The following ZFHX3 variants were observed in gnomAD, a reference collection of about 807,000 sequenced individuals.
ZFHX3 encodes the protein zinc finger homeobox 3, also known as zinc finger homeobox protein 3.
ZFHX3 carries 42 observed loss-of-function variants against 279.1 expected under a neutral mutation model. The observed-to-expected ratio is 0.15, with a 90% CI of 0.12 to 0.19. The LOEUF is 0.19. Among genes scored for constraint, ZFHX3 ranks in the 10% least tolerant of loss-of-function variants. The pLI, the probability that ZFHX3 is intolerant of heterozygous loss-of-function variation, is 1.00. For synonymous variants in ZFHX3, 2,293 were observed against 1,957.8 expected, an observed-to-expected ratio of 1.17 and a Z score of -4.52; for missense variants, 4,981 against 4,754.0, an observed-to-expected ratio of 1.05 and a Z score of -1.40.
chr16:73,709,624 G>A (rs895542629), intron 1 of ZFHX3, among the ~76,000 whole-genome samples: 2 of 151,922 alleles, frequency 1.3e-5, no homozygotes, highest in Non-Finnish European at 2.9e-5. Context: ...TGGGGGTTGG[G>A]GGTGAGGGTT....
chr16:72,808,796 T>A (rs2036349803), intron 7 of ZFHX3, among the ~76,000 whole-genome samples: 2 of 152,236 alleles, frequency 1.3e-5, no homozygotes, highest in South Asian at 4.1e-4. Flanking sequence ...CATGGACATA[T>A]CCTTATGCTC....
intron 3 of ZFHX3, among the ~76,000 whole-genome samples, chr16:73,343,541 A>G (rs1023200731): frequency 6.6e-6 from 1 of 152,206 alleles, no homozygotes; most frequent in African/African-American, 2.4e-5. Context: ...TCTGGGCAAC[A>G]TGGCAAGACC....
intron 5 of ZFHX3, among the ~76,000 whole-genome samples, chr16:73,154,873 TAAAG>T (rs1741808896): frequency 6.6e-6 from 1 of 151,986 alleles, no homozygotes; most frequent in Non-Finnish European, 1.5e-5. Flanking sequence ...AGCATAAAGA[TAAAG>T]AAAGATATTT....
intron 3 of ZFHX3, among the ~76,000 whole-genome samples, chr16:73,437,361 A>C (rs2018015387): frequency 6.6e-6 from 1 of 152,164 alleles, no homozygotes; most frequent in South Asian, 2.1e-4. Context: ...GTATTATACC[A>C]ATTAACTAAT....
chr16:72,956,864 C>T (rs1961275228), intron 2 of ZFHX3, among the ~76,000 whole-genome samples: 1 of 151,136 alleles, frequency 6.6e-6, no homozygotes, highest in South Asian at 2.1e-4. Context: ...TTGAGGTCCT[C>T]ATAAATATAC....
chr16:73,876,606 G>T (rs2029954771), intron 1 of ZFHX3, among the ~76,000 whole-genome samples: 1 of 152,140 alleles, frequency 6.6e-6, no homozygotes, highest in South Asian at 2.1e-4. Flanking sequence ...GAAACCAAAA[G>T]GGAGAAAATA....
At chr16:73,013,475 A>T (rs1051227942) in intron 1 of ZFHX3, among the ~76,000 whole-genome samples, 2 of 151,982 alleles carry the variant, frequency 1.3e-5, no homozygotes, top group African/African-American at 4.8e-5. Flanking sequence ...TTTTGTGGAG[A>T]CAGGGTTTTG....
intron 7 of ZFHX3, among the ~76,000 whole-genome samples, chr16:73,125,817 C>CAT (rs1192045647): frequency 6.6e-6 from 1 of 151,376 alleles, no homozygotes; most frequent in African/African-American, 2.4e-5. Flanking sequence ...TATATATATG[C>CAT]ATATATATAC....
intron 1 of ZFHX3, among the ~76,000 whole-genome samples, chr16:73,702,659 G>C (rs981477744): frequency 3.3e-5 from 5 of 152,124 alleles, no homozygotes; most frequent in Admixed American, 1.3e-4. Flanking sequence ...GTTATATGTG[G>C]CCTGAAAAGA....
intron 2 of ZFHX3, among the ~76,000 whole-genome samples, chr16:73,660,070 G>A (rs572569069): frequency 5.3e-5 from 8 of 152,154 alleles, no homozygotes; most frequent in African/African-American, 7.2e-5. Context: ...AGCCCTCTGC[G>A]TTGGCATATA....
At chr16:73,613,449 TG>T in intron 2 of ZFHX3, among the ~76,000 whole-genome samples, 1 of 146,542 alleles carries the variant, frequency 6.8e-6, no homozygotes, top group African/African-American at 2.8e-5. Context: ...TTTTTTTGTT[TG>T]TTTGTTTTTT....
intron 2 of ZFHX3, 34 bp from the exon 3 acceptor site, chr16:72,950,999 C>T: frequency 1.3e-6 from 2 of 1,592,494 alleles, no homozygotes; most frequent in Non-Finnish European, 1.7e-6. Context: ...GAGTCAGACA[C>T]CAGGCTCATG....
At chr16:73,373,634 G>T (rs368921283) in intron 3 of ZFHX3, among the ~76,000 whole-genome samples, 1 of 152,200 alleles carries the variant, frequency 6.6e-6, no homozygotes, top group African/African-American at 2.4e-5. Flanking sequence ...CTAAGGACAG[G>T]TGCATGAGAT....
chr16:73,304,719 T>C (rs1001263274), intron 4 of ZFHX3, among the ~76,000 whole-genome samples: 2 of 152,120 alleles, frequency 1.3e-5, no homozygotes, highest in Non-Finnish European at 2.9e-5. Context: ...CAAACTGCAC[T>C]AAATATGTTA....
At chr16:72,998,641 G>A (rs1321641820) in intron 1 of ZFHX3, among the ~76,000 whole-genome samples, 2 of 152,208 alleles carry the variant, frequency 1.3e-5, no homozygotes, top group Non-Finnish European at 2.9e-5. Flanking sequence ...CTGCAGTAAT[G>A]TAAAACCCTG....
chr16:72,803,855 C>G (rs563780432), intron 7 of ZFHX3, among the ~76,000 whole-genome samples: 14 of 152,212 alleles, frequency 9.2e-5, no homozygotes, highest in Non-Finnish European at 2.1e-4. Context: ...CATTTTGGGT[C>G]TCTCAAGGTT....
chr16:73,417,988 CAAAAAAAAAAAA>C (rs71156161), intron 3 of ZFHX3, among the ~76,000 whole-genome samples: 3 of 57,854 alleles, frequency 5.2e-5, no homozygotes, highest in East Asian at 7.2e-4. Flanking sequence ...GACTCCATCT[CAAAAAAAAAAAA>C]AAAAAAAAAA....
chr16:73,200,141 T>C (rs1169198854), intron 5 of ZFHX3, among the ~76,000 whole-genome samples: 1 of 152,116 alleles, frequency 6.6e-6, no homozygotes, highest in Non-Finnish European at 1.5e-5. Context: ...ATACCAGTGT[T>C]ATGAAGAAGA....
intron 1 of ZFHX3, among the ~76,000 whole-genome samples, chr16:72,986,774 G>A (rs972946834): frequency 1.8e-4 from 28 of 152,252 alleles, no homozygotes; most frequent in African/African-American, 4.3e-4. Context: ...TGGGTCCTGC[G>A]ATTAAGGATG....
Sources: allele counts gnomAD v4.1 joint callset (sites outside exome capture counted in the v4.1 genomes callset), GRCh38; gene constraint gnomAD v4.1.1; transcripts MANE v1.5; gene names NCBI Gene and HGNC (gene_info 2026-07-23, HGNC 2026-07-21).